The following ZFAND3 variants were observed in gnomAD, a reference collection of about 807,000 sequenced individuals.
ZFAND3 encodes the protein zinc finger AN1-type containing 3, also known as AN1-type zinc finger protein 3.
Under a neutral mutation model 29.6 loss-of-function variants are expected in ZFAND3, and 10 were observed. The observed-to-expected ratio is 0.34, with a 90% CI of 0.21 to 0.57. The LOEUF (loss-of-function observed/expected upper bound fraction) is 0.57. Ranked by LOEUF, ZFAND3 falls within the 20% of genes least tolerant of loss-of-function variation. The pLI is 0.86. For synonymous variants in ZFAND3, 128 were observed against 112.6 expected, an observed-to-expected ratio of 1.14 and a Z score of -0.87; for missense variants, 230 against 304.5, an observed-to-expected ratio of 0.76 and a Z score of 1.82.
chr6:37,999,855 A>G (rs1581827045), intron 2 of ZFAND3, among the ~76,000 whole-genome samples: 1 of 152,208 alleles, frequency 6.6e-6, no homozygotes, highest in Non-Finnish European at 1.5e-5. Context: ...TAGGGTGTCA[A>G]TATTGGCTCG....
intron 2 of ZFAND3, among the ~76,000 whole-genome samples, chr6:37,960,667 G>A (rs1378858370): frequency 2.6e-5 from 4 of 152,148 alleles, no homozygotes; most frequent in African/African-American, 9.7e-5. Flanking sequence ...GTATTTACAT[G>A]TTCATTCATT....
At chr6:37,986,628 C>G (rs988577894) in intron 2 of ZFAND3, among the ~76,000 whole-genome samples, 1 of 152,146 alleles carries the variant, frequency 6.6e-6, no homozygotes, top group Non-Finnish European at 1.5e-5. Flanking sequence ...TTTATGTTGA[C>G]CTGGCTTTTA....
At chr6:38,100,271 C>G (rs187241442) in intron 4 of ZFAND3, among the ~76,000 whole-genome samples, 6 of 152,222 alleles carry the variant, frequency 3.9e-5, no homozygotes, top group East Asian at 1.9e-4. Context: ...ACCATGTTGG[C>G]CAGGATGGTC....
intron 2 of ZFAND3, among the ~76,000 whole-genome samples, chr6:37,951,581 A>T (rs919035280): frequency 4.6e-5 from 7 of 152,150 alleles, no homozygotes; most frequent in Non-Finnish European, 1.5e-5. Flanking sequence ...GGCGACAGGG[A>T]GACTCTGTCT....
At chr6:37,846,926 T>C (rs937643695) in intron 1 of ZFAND3, among the ~76,000 whole-genome samples, 1 of 152,008 alleles carries the variant, frequency 6.6e-6, no homozygotes, top group Non-Finnish European at 1.5e-5. Flanking sequence ...TTAGCCAGGA[T>C]GGTCTTAATT....
chr6:37,972,284 A>T (rs1217923275), intron 2 of ZFAND3, among the ~76,000 whole-genome samples: 1 of 152,222 alleles, frequency 6.6e-6, no homozygotes, highest in Non-Finnish European at 1.5e-5. Flanking sequence ...GGTTTAGCAC[A>T]TAAGCCCCAC....
At chr6:38,097,248 C>CT (rs1491155525) in intron 4 of ZFAND3, among the ~76,000 whole-genome samples, 33 of 124,042 alleles carry the variant, frequency 2.7e-4, no homozygotes, top group Non-Finnish European at 4.8e-4. Flanking sequence ...GTTAATTTTT[C>CT]ATTTTTTTTT....
intron 2 of ZFAND3, among the ~76,000 whole-genome samples, chr6:37,977,185 A>C (rs1468217053): frequency 6.6e-6 from 1 of 152,228 alleles, no homozygotes; most frequent in East Asian, 1.9e-4. Context: ...ATATAATCTT[A>C]TGGGACCCTC....
intron 2 of ZFAND3, among the ~76,000 whole-genome samples, chr6:37,953,607 C>T (rs1187162153): frequency 6.6e-6 from 1 of 151,800 alleles, no homozygotes; most frequent in Non-Finnish European, 1.5e-5. Context: ...TGTGGCACCA[C>T]ACCTGGCTAT....
chr6:37,880,925 T>C (rs933508584), intron 1 of ZFAND3, among the ~76,000 whole-genome samples: 12 of 147,802 alleles, frequency 8.1e-5, no homozygotes, highest in Non-Finnish European at 1.5e-4. Flanking sequence ...GACACGTTGG[T>C]GGGTGCAGCG....
intron 5 of ZFAND3, among the ~76,000 whole-genome samples, chr6:38,133,678 AG>A (rs1033026986): frequency 6.6e-6 from 1 of 151,682 alleles, no homozygotes; most frequent in Admixed American, 6.6e-5. Context: ...TGAACCCGGG[AG>A]GCAGAGCTTG....
In ZFAND3 at chr6:37,819,727, C is replaced by T. The variant is rs1467343286; in HGVS notation, c.-219C>T. On this transcript the variant is annotated 5_prime_UTR_variant, in exon 1 of 6. Coordinates refer to ENST00000287218, the MANE Select transcript of ZFAND3 (RefSeq NM_021943.3). The stretch of plus-strand genomic sequence containing the variant: ...TCTTCTCTCCGCGCCTCTCCGCCCC[C>T]TCCCCGTCTCCGCAGGCCGAGTGGT... The T allele has an allele frequency of 1.5e-5, 3 of 202,514 alleles. No homozygotes were observed. Among genetic ancestry groups the T allele is most frequent in the South Asian group, 1.7e-4 (1 of 5,982 alleles). 12.5% of individuals were successfully genotyped at this position (202,514 alleles called of 1,614,324 possible). A position where few individuals can be genotyped will look rare whatever the true frequency, so the allele number is the denominator to read the frequency against.
chr6:38,002,019 A>T (rs1762957087), intron 2 of ZFAND3, among the ~76,000 whole-genome samples: 1 of 152,204 alleles, frequency 6.6e-6, no homozygotes, highest in African/African-American at 2.4e-5. Flanking sequence ...GTGAAAATAC[A>T]GTCAAGTGTG....
chr6:37,929,818 C>G, intron 1 of ZFAND3, 141 bp from the exon 2 acceptor site: 1 of 590,296 alleles, frequency 1.7e-6, no homozygotes, highest in Non-Finnish European at 2.7e-6. Flanking sequence ...TAGCTAGGGA[C>G]TTGTTATTAA....
In ZFAND3 at chr6:38,060,795, G is replaced by A. The variant is rs574868572; in HGVS notation, c.113-798G>A. On this transcript the variant is annotated intron_variant, in intron 2 of 5. Coordinates refer to ENST00000287218, the MANE Select transcript of ZFAND3 (RefSeq NM_021943.3). The stretch of plus-strand genomic sequence containing the variant: ...GCCAGGTACATTTTTTTTTATATAC[G>A]ATTGTGTTATACTTGGGAGATTGGC... Among the ~76,000 whole-genome samples the A allele has an allele frequency of 3.8e-4, 57 of 151,760 alleles. No individual in the cohort carries two copies. In the South Asian group the frequency reaches 6.3e-3, roughly 17 times the overall value.
chr6:38,044,564 T>C (rs1270267562), intron 2 of ZFAND3, among the ~76,000 whole-genome samples: 2 of 152,188 alleles, frequency 1.3e-5, no homozygotes, highest in Non-Finnish European at 2.9e-5. Context: ...TCCTTGTCGC[T>C]CTTAGTTTTA....
At chr6:37,866,031 T>G (rs1186995601) in intron 1 of ZFAND3, among the ~76,000 whole-genome samples, 1 of 152,130 alleles carries the variant, frequency 6.6e-6, no homozygotes, top group Non-Finnish European at 1.5e-5. Context: ...CTCACTATAT[T>G]GTCCCGGCTG....
chr6:37,910,908 T>C (rs942924060), intron 1 of ZFAND3, among the ~76,000 whole-genome samples: 1 of 152,214 alleles, frequency 6.6e-6, no homozygotes, highest in Admixed American at 6.5e-5. Context: ...TAGTATTCCG[T>C]TGTGTTTATA....
intron 1 of ZFAND3, among the ~76,000 whole-genome samples, chr6:37,912,203 G>A (rs1765536178): frequency 6.6e-6 from 1 of 151,998 alleles, no homozygotes; most frequent in South Asian, 2.1e-4. Context: ...CACTGAGGAG[G>A]GGGACCATGC....
Sources: gnomAD v4.1 joint callset for allele counts (sites outside exome capture counted in the v4.1 genomes callset) on GRCh38, gnomAD v4.1.1 for gene constraint, MANE v1.5 for transcripts, NCBI Gene and HGNC (gene_info 2026-07-23, HGNC 2026-07-21) for gene names.